The following GOLIM4 variants were observed in gnomAD, a reference collection of about 807,000 sequenced individuals.
GOLIM4 encodes the protein golgi integral membrane protein 4, also known as 130 kDa golgi-localized phosphoprotein.
A neutral mutation model predicts 107.4 loss-of-function variants in GOLIM4; 71 were observed. The observed-to-expected ratio is 0.66, with a 90% CI of 0.55 to 0.81. The LOEUF (loss-of-function observed/expected upper bound fraction) is 0.81. Among genes scored for constraint, GOLIM4 ranks in the 30% least tolerant of loss-of-function variants. The probability of loss-of-function intolerance (pLI) is 0.00; values close to 1 mark genes in which losing one functional copy is unlikely to be tolerated. For synonymous variants in GOLIM4, 327 were observed against 294.8 expected (o/e 1.11, Z -1.12); for missense variants, 830 against 826.1 (o/e 1.00, Z -0.06).
chr3:168,047,680 A>G (rs1210559850), intron 2 of GOLIM4, among the ~76,000 whole-genome samples: 2 of 152,240 alleles, frequency 1.3e-5, no homozygotes, highest in Non-Finnish European at 2.9e-5. Context: ...CAGAATGCAG[A>G]TAACTTCAAA....
intron 8 of GOLIM4, 111 bp downstream of exon 8, chr3:168,036,725 T>A (rs753101191): frequency 1.3e-6 from 1 of 779,108 alleles, no homozygotes; most frequent in African/African-American, 1.7e-5. Flanking sequence ...ATACTAAAAT[T>A]TGAGAACTAC....
chr3:168,058,010 A>AATTTATATGTTGG (rs1316213547), intron 1 of GOLIM4, among the ~76,000 whole-genome samples: 5 of 152,210 alleles, frequency 3.3e-5, no homozygotes, highest in African/African-American at 4.8e-5. Context: ...ATAGAGATTA[A>AATTTATATGTTGG]ATTTATATGT....
At chr3:168,022,168 C>A (rs1199675680) in intron 14 of GOLIM4, among the ~76,000 whole-genome samples, 1 of 151,992 alleles carries the variant, frequency 6.6e-6, no homozygotes, top group Admixed American at 6.6e-5. Context: ...ATGGGCTATA[C>A]CTCTGAACAG....
At chr3:168,062,776 G>A (rs1720341388) in intron 1 of GOLIM4, among the ~76,000 whole-genome samples, 1 of 152,106 alleles carries the variant, frequency 6.6e-6, no homozygotes, top group South Asian at 2.1e-4. Flanking sequence ...ATGCACTGAA[G>A]CAAACTATAT....
chr3:168,077,975 T>A (rs923675694), intron 1 of GOLIM4, among the ~76,000 whole-genome samples: 1 of 151,188 alleles, frequency 6.6e-6, no homozygotes, highest in African/African-American at 2.4e-5. Context: ...CTAGATATAT[T>A]TATTTATTTA....
intron 1 of GOLIM4, among the ~76,000 whole-genome samples, chr3:168,060,099 A>T (rs1362283270): frequency 7.6e-6 from 1 of 131,626 alleles, no homozygotes; most frequent in Non-Finnish European, 1.6e-5. Flanking sequence ...ACCATTAGAG[A>T]GTTTTTTTTT....
chr3:168,024,996 C>G lies in GOLIM4; in HGVS notation c.1723G>C (p.Asp575His). ...AEQVREENLP[D>H]ENEEQKQSNQ... Reference sequence around the variant, plus strand: ...CTTTGTTTTTGCTCTTCATTTTCATCTGGCAAATTTTCTTCTCTCACTTGC... The same window carrying G: ...CTTTGTTTTTGCTCTTCATTTTCATGTGGCAAATTTTCTTCTCTCACTTGC... The change falls in exon 13 of 16, where the codon GAT becomes CAT. Residue 575 changes from aspartate (D) to histidine (H), a missense_variant. Asp to His is a moderately conservative substitution (Grantham distance 81). Coordinates refer to ENST00000470487, the MANE Select transcript of GOLIM4 (RefSeq NM_014498.5). The G allele has an allele frequency of 6.2e-7, 1 of 1,613,970 alleles. No individual in the cohort carries two copies. The highest frequency in any genetic ancestry group is 1.7e-5 in the Admixed American group (1 of 60,030).
chr3:168,024,460 G>T (rs56283429), intron 14 of GOLIM4, 66 bp downstream of exon 14: 1 of 1,105,112 alleles, frequency 9.0e-7, no homozygotes, highest in Non-Finnish European at 1.4e-6. Flanking sequence ...TACTGCTGAG[G>T]TTTGTTTAAG....
chr3:168,076,879 G>C (rs1417135673), intron 1 of GOLIM4, among the ~76,000 whole-genome samples: 1 of 152,148 alleles, frequency 6.6e-6, no homozygotes, highest in East Asian at 1.9e-4. Context: ...TCTATTACTT[G>C]ATAGCAGCAC....
chr3:168,083,730 T>C (rs1017354041), intron 1 of GOLIM4, among the ~76,000 whole-genome samples: 2 of 152,176 alleles, frequency 1.3e-5, no homozygotes, highest in African/African-American at 4.8e-5. Context: ...TTGGGAATAA[T>C]GATGTTGCCA....
At position 168,046,973 on chromosome 3, in the gene GOLIM4, G is replaced by T; in HGVS notation, c.289C>A (p.Gln97Lys). 1 of 1,357,570 alleles carries T rather than the reference G, an allele frequency of 7.4e-7. No homozygotes were observed. Among genetic ancestry groups the T allele is most frequent in the Non-Finnish European group, 1.0e-6 (1 of 988,206 alleles). The allele number at this position is 1,357,570 out of a possible 1,614,324, so 84.1% of individuals were successfully genotyped here. The part of the protein sequence containing the change: ...EDFLVYKLEA[Q>K]ETLNKGRQDS... ...ACCCTTCCTTTATTTAATGTTTCTTGTGCTTCTAACTTATAAACAAGAAAA... is the reference window on the plus strand; with the variant it reads ...ACCCTTCCTTTATTTAATGTTTCTTTTGCTTCTAACTTATAAACAAGAAAA... The change falls in exon 3 of 16, where the codon CAA becomes AAA. Residue 97 changes from glutamine (Q) to lysine (K), a missense_variant. Gln to Lys is a moderately conservative substitution (Grantham distance 53, BLOSUM62 1). Coordinates refer to ENST00000470487, the MANE Select transcript of GOLIM4 (RefSeq NM_014498.5).
At chr3:168,045,034 G>A (rs750759946) in intron 3 of GOLIM4, among the ~76,000 whole-genome samples, 153 bp from the exon 4 acceptor site, 8 of 152,124 alleles carry the variant, frequency 5.3e-5, no homozygotes, top group Admixed American at 2.0e-4. Context: ...TGGAGCCATC[G>A]ATTTAACACA....
chr3:168,034,335 C>G (rs912809209), intron 8 of GOLIM4, among the ~76,000 whole-genome samples: 22 of 152,180 alleles, frequency 1.4e-4, no homozygotes, highest in African/African-American at 4.8e-4. Flanking sequence ...AACTGAAGAT[C>G]TGAGTCACTG....
At chr3:168,026,199 C>T (rs1717987359) in intron 12 of GOLIM4, among the ~76,000 whole-genome samples, 1 of 152,124 alleles carries the variant, frequency 6.6e-6, no homozygotes, top group Non-Finnish European at 1.5e-5. Context: ...TTCTTGGGAA[C>T]GTAGAGACTA....
intron 1 of GOLIM4, among the ~76,000 whole-genome samples, chr3:168,060,803 T>A (rs1349982039): frequency 6.6e-6 from 1 of 152,150 alleles, no homozygotes. Context: ...CCACTCCCCA[T>A]GAGCTTTTCT....
rs1305212388 is a variant in GOLIM4, at chr3:168,095,499, C to A, written c.-214G>T. On this transcript the variant is annotated 5_prime_UTR_variant, in exon 1 of 16. Transcript: ENST00000470487. Reference sequence around the variant, plus strand: ...ATCGACGCCGCCCGGGCAGCTGCAGCCAAACTTCTGCGAGGCTCGTTCTCC... The same window carrying A: ...ATCGACGCCGCCCGGGCAGCTGCAGACAAACTTCTGCGAGGCTCGTTCTCC... 2 of 518,664 alleles carry A rather than the reference C, an allele frequency of 3.9e-6. No individual in the cohort carries two copies. Among genetic ancestry groups the A allele is most frequent in the Non-Finnish European group, 6.7e-6 (2 of 296,444 alleles). The allele number at this position is 518,664 out of a possible 1,614,324, so 32.1% of individuals were successfully genotyped here.
At chr3:168,023,255 T>C (rs1354044276) in intron 14 of GOLIM4, among the ~76,000 whole-genome samples, 1 of 152,220 alleles carries the variant, frequency 6.6e-6, no homozygotes, top group African/African-American at 2.4e-5. Context: ...TGAATATCTT[T>C]TTCTTGCCCA....
Position 168,095,315 on chromosome 3 carries a change from C to A in GOLIM4, c.-30G>T, listed in dbSNP as rs1164602796. On this transcript the variant is annotated 5_prime_UTR_variant, in exon 1 of 16. Transcript: ENST00000470487. ...CCGCCTGGACCCAAAGCCGCGGCCG[C>A]CCCCGCCGTCTCCTCCCCTTGGTCC... The A allele has an allele frequency of 6.3e-6, 10 of 1,594,358 alleles. No individual in the cohort carries two copies. Among genetic ancestry groups the A allele is most frequent in the Non-Finnish European group, 8.6e-6 (10 of 1,169,320 alleles).
At chr3:168,012,627 G>A (rs1221268917) in intron 14 of GOLIM4, among the ~76,000 whole-genome samples, 2 of 148,136 alleles carry the variant, frequency 1.4e-5, no homozygotes, top group Non-Finnish European at 2.9e-5. Context: ...AAATGTTAAG[G>A]GCAGCCAGAG....
Sources: allele counts gnomAD v4.1 joint callset (sites outside exome capture counted in the v4.1 genomes callset), GRCh38; gene constraint gnomAD v4.1.1; transcripts MANE v1.5; gene names NCBI Gene and HGNC (gene_info 2026-07-23, HGNC 2026-07-21).